RPS6KC1: variants seen among roughly 807,000 people sequenced by gnomAD.
The protein encoded by RPS6KC1 is inactive ribosomal protein S6 kinase delta-1.
RPS6KC1 carries 54 observed loss-of-function variants against 103.8 expected under a neutral mutation model. The observed-to-expected ratio is 0.52, with a 90% CI of 0.42 to 0.65. The LOEUF is 0.65. Ranked by LOEUF, RPS6KC1 falls within the 30% of genes least tolerant of loss-of-function variation. RPS6KC1 has a pLI of 0.00. For synonymous variants in RPS6KC1, 439 were observed against 438.7 expected (o/e 1.00, Z -0.01); for missense variants, 1,151 against 1,253.8 (o/e 0.92, Z 1.24).
At chr1:213,613,792 C>T in the RPS6KC1 span, among the ~76,000 whole-genome samples, 1 of 152,144 alleles carries the variant, frequency 6.6e-6, no homozygotes, top group Non-Finnish European at 1.5e-5. Context: ...ACAGGAGACT[C>T]CCACCTCAAT....
chr1:213,813,638 C>T, the RPS6KC1 span, among the ~76,000 whole-genome samples: 1 of 152,132 alleles, frequency 6.6e-6, no homozygotes, highest in Non-Finnish European at 1.5e-5. Context: ...CTGCTACTAA[C>T]ACTAAAAACC....
At chr1:213,557,250 T>C in the RPS6KC1 span, among the ~76,000 whole-genome samples, 1 of 152,186 alleles carries the variant, frequency 6.6e-6, no homozygotes, top group South Asian at 2.1e-4. Context: ...CACTTTCTAG[T>C]GTATGCTCTG....
chr1:213,227,292 A>G (rs1026846758), intron 8 of RPS6KC1, among the ~76,000 whole-genome samples: 8 of 152,170 alleles, frequency 5.3e-5, no homozygotes, highest in African/African-American at 1.9e-4. Context: ...GTCGTCATCT[A>G]CCTTACAAAC....
At chr1:213,199,512 C>T (rs765526375) in intron 8 of RPS6KC1, among the ~76,000 whole-genome samples, 22 of 152,130 alleles carry the variant, frequency 1.4e-4, no homozygotes, top group Non-Finnish European at 2.4e-4. Context: ...TAATACGAGC[C>T]ATCCATGACA....
chr1:213,074,843 A>ATTTTTTTT lies in RPS6KC1; in HGVS notation c.142-2830_142-2823dup, dbSNP rs752747801. ...TTTAAAAATGACTTAACTAGAATAA[A>ATTTTTTTT]TTTTTTTTTTTTTTTTTTTTTTTTT... On this transcript the variant is annotated intron_variant, in intron 2 of 14. Coordinates refer to ENST00000366960, the MANE Select transcript of RPS6KC1 (RefSeq NM_012424.6). 5.0e-3 allele frequency among the ~76,000 whole-genome samples: 355 copies of ATTTTTTTT among 71,312 alleles called. 42 individuals are homozygous for ATTTTTTTT. Among genetic ancestry groups the ATTTTTTTT allele is most frequent in the Non-Finnish European group, 7.1e-3 (289 of 40,428 alleles). 46.8% of individuals were successfully genotyped at this position (71,312 alleles called of 152,430 possible). A position where few individuals can be genotyped will look rare whatever the true frequency, so the allele number is the denominator to read the frequency against.
At chr1:213,854,665 A>G in the RPS6KC1 span, among the ~76,000 whole-genome samples, 1 of 151,370 alleles carries the variant, frequency 6.6e-6, no homozygotes, top group Admixed American at 6.6e-5. Flanking sequence ...AGCATTTTTC[A>G]TCTTCAAAGA....
the RPS6KC1 span, among the ~76,000 whole-genome samples, chr1:213,602,262 T>C: frequency 5.0e-5 from 7 of 139,436 alleles, no homozygotes; most frequent in African/African-American, 1.6e-4. Flanking sequence ...TCTTTTTTTT[T>C]CTTTTTTTTT....
At chr1:213,145,961 C>T (rs1357649108) in intron 6 of RPS6KC1, among the ~76,000 whole-genome samples, 2 of 98,884 alleles carry the variant, frequency 2.0e-5, no homozygotes, top group East Asian at 3.2e-4. Context: ...CTTATTCATT[C>T]ATTCTGTTTT....
chr1:213,203,729 T>C lies in RPS6KC1; in HGVS notation c.1045-26768T>C, dbSNP rs114798249. On this transcript the variant is annotated intron_variant, in intron 8 of 14. Transcript: ENST00000366960. ...ATTCACCTATAACCCTGCTACCTACTGAGAATTATTTTTACATTTTGATTT... is the reference window on the plus strand; with the variant it reads ...ATTCACCTATAACCCTGCTACCTACCGAGAATTATTTTTACATTTTGATTT... 4.4e-3 allele frequency among the ~76,000 whole-genome samples: 668 copies of C among 152,316 alleles called. 4 individuals carry two copies. The highest frequency in any genetic ancestry group is 0.015 in the African/African-American group (644 of 41,574).
intron 6 of RPS6KC1, among the ~76,000 whole-genome samples, chr1:213,154,991 G>A (rs1371176100): frequency 6.6e-6 from 1 of 152,204 alleles, no homozygotes; most frequent in Non-Finnish European, 1.5e-5. Flanking sequence ...CCAGCACGAA[G>A]TCCTTTCTTT....
chr1:213,222,149 A>G (rs2093849759), intron 8 of RPS6KC1, among the ~76,000 whole-genome samples: 1 of 152,200 alleles, frequency 6.6e-6, no homozygotes, highest in African/African-American at 2.4e-5. Flanking sequence ...AGCAGTGGGT[A>G]CAGGGAACAT....
chr1:213,257,471 G>C (rs147659567), intron 12 of RPS6KC1, among the ~76,000 whole-genome samples: 104 of 152,208 alleles, frequency 6.8e-4, no homozygotes, highest in African/African-American at 2.4e-3. Flanking sequence ...AAGCTAACTG[G>C]ATCAGATGTC....
the RPS6KC1 span, among the ~76,000 whole-genome samples, chr1:213,715,619 T>G: frequency 6.6e-6 from 1 of 152,236 alleles, no homozygotes; most frequent in Non-Finnish European, 1.5e-5. Flanking sequence ...CAGAGAGCTT[T>G]AAAAACAAAG....
chr1:213,752,239 A>C, the RPS6KC1 span, among the ~76,000 whole-genome samples: 5 of 152,170 alleles, frequency 3.3e-5, no homozygotes, highest in African/African-American at 1.2e-4. Context: ...TCTAAGCTAC[A>C]AGTTGACCTA....
the RPS6KC1 span, among the ~76,000 whole-genome samples, chr1:213,329,294 T>C: frequency 8.5e-5 from 13 of 152,150 alleles, no homozygotes; most frequent in Admixed American, 2.6e-4. Flanking sequence ...CACAGATTTA[T>C]TGGGAGTGGG....
At chr1:213,207,036 G>A (rs2093369763) in intron 8 of RPS6KC1, among the ~76,000 whole-genome samples, 1 of 152,152 alleles carries the variant, frequency 6.6e-6, no homozygotes, top group Non-Finnish European at 1.5e-5. Flanking sequence ...ACAACTCTGG[G>A]AGGCGGAGGT....
chr1:213,443,361 G>C, the RPS6KC1 span, among the ~76,000 whole-genome samples: 1 of 152,208 alleles, frequency 6.6e-6, no homozygotes, highest in Non-Finnish European at 1.5e-5. Context: ...ATACAAATCT[G>C]TGATGTCCGT....
intron 1 of RPS6KC1, among the ~76,000 whole-genome samples, chr1:213,066,818 G>A (rs569397834): frequency 6.6e-6 from 1 of 152,174 alleles, no homozygotes; most frequent in Non-Finnish European, 1.5e-5. Flanking sequence ...TGGATGCAGT[G>A]ATCTGGTGAA....
At chr1:213,366,588 T>A in the RPS6KC1 span, among the ~76,000 whole-genome samples, 1 of 152,216 alleles carries the variant, frequency 6.6e-6, no homozygotes, top group South Asian at 2.1e-4. Context: ...AACACATGAA[T>A]GAATGGGTGT....
Sources: gnomAD v4.1 joint callset for allele counts (sites outside exome capture counted in the v4.1 genomes callset) on GRCh38, gnomAD v4.1.1 for gene constraint, MANE v1.5 for transcripts, NCBI Gene and HGNC (gene_info 2026-07-23, HGNC 2026-07-21) for gene names.